The following HECW1 variants were observed in gnomAD, a reference collection of about 807,000 sequenced individuals.
The protein encoded by HECW1 is HECT, C2 and WW domain containing E3 ubiquitin protein ligase 1, also known as E3 ubiquitin-protein ligase HECW1.
HECW1 carries 61 observed loss-of-function variants against 182.3 expected under a neutral mutation model. The observed-to-expected ratio is 0.33, with a 90% CI of 0.27 to 0.41. The LOEUF is 0.41. Among genes scored for constraint, HECW1 ranks in the 10% least tolerant of loss-of-function variants. HECW1 has a pLI of 1.00. For synonymous variants in HECW1, 859 were observed against 832.6 expected (o/e 1.03, Z -0.55); for missense variants, 1,739 against 2,108.9 (o/e 0.82, Z 3.44).
At chr7:43,561,725 T>G in intron 29 of HECW1, 90 bp from the exon 30 acceptor site, 1 of 879,596 alleles carries the variant, frequency 1.1e-6, no homozygotes, top group Non-Finnish European at 1.8e-6. Context: ...TTTTGATTCC[T>G]TTTTGAATCA....
intron 2 of HECW1, among the ~76,000 whole-genome samples, chr7:43,131,299 G>A (rs1236793853): frequency 6.6e-6 from 1 of 152,138 alleles, no homozygotes; most frequent in East Asian, 1.9e-4. Context: ...ATCCTTCCAA[G>A]TTTGTGTGAA....
At chr7:43,521,909 T>C (rs1313493981) in intron 24 of HECW1, among the ~76,000 whole-genome samples, 1 of 152,124 alleles carries the variant, frequency 6.6e-6, no homozygotes, top group Non-Finnish European at 1.5e-5. Context: ...GTGAGGCGTT[T>C]GGGAAAGTGA....
chr7:43,543,882 A>G (rs1416992138), intron 26 of HECW1, among the ~76,000 whole-genome samples: 1 of 152,138 alleles, frequency 6.6e-6, no homozygotes, highest in Non-Finnish European at 1.5e-5. Flanking sequence ...GTGCATGACT[A>G]CTTTTAGCCC....
Position 43,550,597 on chromosome 7 carries a change from G to A in HECW1, c.4395+6G>A, listed in dbSNP as rs771033914. 2 of 1,593,288 alleles carry A rather than the reference G, an allele frequency of 1.3e-6. No homozygotes were observed. Among genetic ancestry groups the A allele is most frequent in the Non-Finnish European group, 1.7e-6 (2 of 1,170,746 alleles). On this transcript the variant is annotated splice_donor_region_variant and intron_variant, in intron 27 of 29. Coordinates refer to ENST00000395891, the MANE Select transcript of HECW1 (RefSeq NM_015052.5). Reference sequence around the variant, plus strand: ...TGGTGCGCGGCTTCTACGAGGTGAGGCCCGGTGGCCTGGGGAAGGCAAGCT... The same window carrying A: ...TGGTGCGCGGCTTCTACGAGGTGAGACCCGGTGGCCTGGGGAAGGCAAGCT...
chr7:43,133,875 G>C (rs2152623833), intron 2 of HECW1, among the ~76,000 whole-genome samples: 1 of 151,886 alleles, frequency 6.6e-6, no homozygotes, highest in Non-Finnish European at 1.5e-5. Context: ...AACTTTATTT[G>C]TTGATTCCCA....
Position 43,120,550 on chromosome 7 carries a change from A to G in HECW1, c.-32+6159A>G, listed in dbSNP as rs1225150398. Among the ~76,000 whole-genome samples the G allele has an allele frequency of 3.3e-5, 5 of 152,182 alleles. No individual in the cohort carries two copies. In the East Asian group the frequency reaches 9.7e-4, roughly 29 times the overall value. On this transcript the variant is annotated intron_variant, in intron 2 of 29. Coordinates refer to ENST00000395891, the MANE Select transcript of HECW1 (RefSeq NM_015052.5). Reference sequence around the variant, plus strand: ...ACACTGAATGTTTGCTGACTGACCGAATGATGTAACAGGTGCTTTCCTTAA... The same window carrying G: ...ACACTGAATGTTTGCTGACTGACCGGATGATGTAACAGGTGCTTTCCTTAA...
intron 2 of HECW1, among the ~76,000 whole-genome samples, chr7:43,233,891 A>G (rs1345066260): frequency 6.6e-6 from 1 of 152,238 alleles, no homozygotes; most frequent in Non-Finnish European, 1.5e-5. Context: ...GATAGCCTCA[A>G]TAGAAAAAGG....
rs568716268 is a variant in HECW1, at chr7:43,289,831, A to T, written c.28-21932A>T. Among the ~76,000 whole-genome samples, 171 of 152,348 alleles carry T rather than the reference A, an allele frequency of 1.1e-3. 1 individual carries two copies. Among genetic ancestry groups the T allele is most frequent in the African/African-American group, 3.8e-3 (157 of 41,582 alleles). On this transcript the variant is annotated intron_variant, in intron 3 of 29. Coordinates refer to ENST00000395891, the MANE Select transcript of HECW1 (RefSeq NM_015052.5). ...ACATAAATCAGTACATGGAAGGTGT[A>T]CACTGGTTAGGCAGGAAAAGGCAGG...
chr7:43,153,289 T>C (rs906161454), intron 2 of HECW1, among the ~76,000 whole-genome samples: 3 of 152,240 alleles, frequency 2.0e-5, no homozygotes, highest in Non-Finnish European at 4.4e-5. Flanking sequence ...AGTGTTCTTC[T>C]GCTGTCTGGT....
In HECW1 at chr7:43,463,812, G is replaced by A. The variant is rs2152894761; in HGVS notation, c.2791+13G>A. The A allele has an allele frequency of 5.0e-6, 8 of 1,612,952 alleles. No individual in the cohort carries two copies. The highest frequency in any genetic ancestry group is 6.8e-6 in the Non-Finnish European group (8 of 1,179,412). ...CAGTCCAGCTTAGGTATTGGAGGAG[G>A]GGTCCCCACAACCTGTGATGGCTTT... is the stretch of plus-strand genomic sequence containing the variant. On this transcript the variant is annotated intron_variant, in intron 14 of 29. Coordinates refer to ENST00000395891, the MANE Select transcript of HECW1 (RefSeq NM_015052.5).
At chr7:43,504,802 G>T (rs1585115811) in intron 21 of HECW1, among the ~76,000 whole-genome samples, 1 of 152,176 alleles carries the variant, frequency 6.6e-6, no homozygotes, top group Non-Finnish European at 1.5e-5. Flanking sequence ...TCACTGAGAA[G>T]TTGAAGCCAT....
chr7:43,237,408 G>A (rs1798476964), intron 2 of HECW1, among the ~76,000 whole-genome samples: 1 of 152,190 alleles, frequency 6.6e-6, no homozygotes. Context: ...CTGAAGGGCA[G>A]GGACCACACT....
chr7:43,271,180 C>A (rs1320832342), intron 3 of HECW1, among the ~76,000 whole-genome samples: 1 of 152,068 alleles, frequency 6.6e-6, no homozygotes, highest in African/African-American at 2.4e-5. Flanking sequence ...AACCAAGAAA[C>A]TTTGGGGAAA....
At chr7:43,443,864 A>T (rs1160296426) in intron 10 of HECW1, among the ~76,000 whole-genome samples, 1 of 152,184 alleles carries the variant, frequency 6.6e-6, no homozygotes, top group Admixed American at 6.5e-5. Flanking sequence ...AAATAACACC[A>T]CTACTACCCT....
chr7:43,505,243 C>T (rs567641374), intron 21 of HECW1, among the ~76,000 whole-genome samples: 2 of 152,264 alleles, frequency 1.3e-5, no homozygotes, highest in South Asian at 2.1e-4. Context: ...TGAATGTCAC[C>T]GCAGGGTGTT....
chr7:43,228,022 A>C (rs1438983374), intron 2 of HECW1, among the ~76,000 whole-genome samples: 1 of 152,270 alleles, frequency 6.6e-6, no homozygotes, highest in Admixed American at 6.5e-5. Context: ...GTTTACCTCT[A>C]TCTGGCTGGG....
intron 2 of HECW1, among the ~76,000 whole-genome samples, chr7:43,212,849 A>G (rs936209255): frequency 8.5e-5 from 13 of 152,208 alleles, no homozygotes; most frequent in African/African-American, 3.1e-4. Flanking sequence ...CATTTTTCTG[A>G]AAAAGATCTT....
chr7:43,558,984 A>T (rs529262769), intron 29 of HECW1, among the ~76,000 whole-genome samples: 1 of 152,354 alleles, frequency 6.6e-6, no homozygotes, highest in East Asian at 1.9e-4. Context: ...GAAGATTGGC[A>T]TGAAGGGAAG....
intron 5 of HECW1, among the ~76,000 whole-genome samples, chr7:43,339,385 C>T (rs547942039): frequency 6.6e-6 from 1 of 152,328 alleles, no homozygotes; most frequent in African/African-American, 2.4e-5. Context: ...TCTACCTGAT[C>T]TCCTGCTAAA....
Sources: gnomAD v4.1 joint callset for allele counts (sites outside exome capture counted in the v4.1 genomes callset) on GRCh38, gnomAD v4.1.1 for gene constraint, MANE v1.5 for transcripts, NCBI Gene and HGNC (gene_info 2026-07-23, HGNC 2026-07-21) for gene names.